The following AMHR2 variants were observed in gnomAD, a reference collection of about 807,000 sequenced individuals.
AMHR2 encodes anti-Mullerian hormone receptor type 2, also known as anti-Muellerian hormone type-2 receptor.
In AMHR2, 36 loss-of-function variants were observed where a neutral mutation model predicts 61.4. The observed-to-expected ratio is 0.59, with a 90% confidence interval of 0.45 to 0.77. The LOEUF is 0.77. Ranked by LOEUF, AMHR2 falls within the 30% of genes least tolerant of loss-of-function variation. The pLI, the probability that AMHR2 is intolerant of heterozygous loss-of-function variation, is 0.00. For missense variants in AMHR2, 638 were observed against 714.6 expected (o/e 0.89, Z 1.22); for synonymous variants, 258 against 279.4 (o/e 0.92, Z 0.76).
Position 53,429,018 on chromosome 12 carries a change from A to G in AMHR2, c.967+8A>G. The G allele has an allele frequency of 6.5e-7, 1 of 1,547,606 alleles. No individual in the cohort carries two copies. Among genetic ancestry groups the G allele is most frequent in the Non-Finnish European group, 8.7e-7 (1 of 1,143,988 alleles). ...AGGAGCGCTGGCAGAATGGTGGGTGAGCTGGGCATAGGAAGTCAAGGGAGC... is the reference window on the plus strand; with the variant it reads ...AGGAGCGCTGGCAGAATGGTGGGTGGGCTGGGCATAGGAAGTCAAGGGAGC... On this transcript the variant is annotated splice_region_variant and intron_variant, in intron 7 of 10. Transcript: ENST00000257863.
chr12:53,424,750 T>C lies in AMHR2; in HGVS notation c.274T>C (p.Cys92Arg), dbSNP rs1198943356. 6.2e-7 allele frequency: 1 copy of C among 1,613,810 alleles called. No homozygotes were observed. The highest frequency in any genetic ancestry group is 1.7e-5 in the Admixed American group (1 of 59,970). Residue 92 changes from cysteine to arginine, a missense_variant, in exon 3 of 11, where the codon TGT becomes CGT. Transcript: ENST00000257863. Reference sequence around the variant, plus strand: ...TGAGCCAGGCTGTGAGTCCCTCCACTGTGACCCAAGTCCCCGAGCCCACCC... The same window carrying C: ...TGAGCCAGGCTGTGAGTCCCTCCACCGTGACCCAAGTCCCCGAGCCCACCC... ...SDEPGCESLH[C>R]DPSPRAHPSP...
At chr12:53,428,780 T>C (rs987771827) in intron 6 of AMHR2, 116 bp from the exon 7 acceptor site, 6 of 745,210 alleles carry the variant, frequency 8.1e-6, no homozygotes, top group Non-Finnish European at 1.4e-5. Context: ...CATCCATCAG[T>C]GTGTCTGTCT....
intron 9 of AMHR2, 76 bp from the exon 10 acceptor site, chr12:53,430,070 C>T (rs1939981385): frequency 1.2e-6 from 2 of 1,614,116 alleles, no homozygotes; most frequent in South Asian, 1.1e-5. Flanking sequence ...AAGCTCTGCT[C>T]TTCCCTGTCT....
chr12:53,430,287 G>C lies in AMHR2; in HGVS notation c.1425+5G>C. On this transcript the variant is annotated splice_donor_5th_base_variant and intron_variant, in intron 10 of 10. Transcript: ENST00000257863. Reference sequence around the variant, plus strand: ...ACCTGGCGCTGCTTTGCCACAGTAAGAGGCCTAGGCTGTTGGTCTGGGAAC... The same window carrying C: ...ACCTGGCGCTGCTTTGCCACAGTAACAGGCCTAGGCTGTTGGTCTGGGAAC... The C allele has an allele frequency of 6.2e-7, 1 of 1,614,172 alleles. No homozygotes were observed. Among genetic ancestry groups the C allele is most frequent in the East Asian group, 2.2e-5 (1 of 44,882 alleles).
In AMHR2 at chr12:53,425,830, G is replaced by C; in HGVS notation, c.763G>C (p.Asp255His). The C allele has an allele frequency of 6.2e-7, 1 of 1,614,076 alleles. No individual in the cohort carries two copies. The highest frequency in any genetic ancestry group is 8.5e-7 in the Non-Finnish European group (1 of 1,180,014). Residue 255 changes from aspartate to histidine, a missense_variant, in exon 6 of 11, where the codon GAC (aspartate) becomes CAC (histidine). Transcript: ENST00000257863. ...ALYELPGLQH[D>H]HIVRFITASR... ...GTACGAACTTCCAGGCCTACAGCAC[G>C]ACCACATTGTCCGATTTATCACTGC...
In AMHR2 at chr12:53,424,798, A is replaced by T. The variant is rs552083814; in HGVS notation, c.322A>T (p.Thr108Ser). The T allele has an allele frequency of 1.5e-5, 25 of 1,613,428 alleles. No homozygotes were observed. In the African/African-American group the frequency reaches 3.1e-4, roughly 20 times the overall value. ...CCCCAGCCCTGGCTCCACTCTCTTC[A>T]CCTGCTCCTGTGGCACTGACTTCTG... ...AHPSPGSTLF[T>S]CSCGTDFCNA... The change falls in exon 3 of 11, where the codon ACC (threonine) becomes TCC (serine). Residue 108 changes from threonine to serine, a missense_variant. Coordinates refer to ENST00000257863, the MANE Select transcript of AMHR2 (RefSeq NM_020547.3).
Position 53,424,302 on chromosome 12 carries a change from C to A in AMHR2, c.64C>A (p.Arg22=). Residue 22 remains arginine (R), a synonymous_variant, in exon 2 of 11, where the codon CGA becomes AGA. Coordinates refer to ENST00000257863, the MANE Select transcript of AMHR2 (RefSeq NM_020547.3). ...PTAVEAPPNR[R]TCVFFEAPGV... ...CTGGGCCTCAGCACCCCCAAACAGG[C>A]GAACCTGTGTGTTCTTTGAGGCCCC... The A allele has an allele frequency of 6.2e-7, 1 of 1,612,548 alleles. No homozygotes were observed. Among genetic ancestry groups the A allele is most frequent in the Non-Finnish European group, 8.5e-7 (1 of 1,180,030 alleles).
In AMHR2 at chr12:53,424,726, G is replaced by A. The variant is rs770395435; in HGVS notation, c.250G>A (p.Glu84Lys). Residue 84 changes from glutamate to lysine, a missense_variant, in exon 3 of 11, where the codon GAG becomes AAG. Coordinates refer to ENST00000257863, the MANE Select transcript of AMHR2 (RefSeq NM_020547.3). Reference protein sequence around the residue: ...VEMQGCRDSDEPGCESLHCDP... With the variant: ...VEMQGCRDSDKPGCESLHCDP... ...CCCATCAGGATGCCGAGACAGTGATGAGCCAGGCTGTGAGTCCCTCCACTG... is the reference window on the plus strand; with the variant it reads ...CCCATCAGGATGCCGAGACAGTGATAAGCCAGGCTGTGAGTCCCTCCACTG... 1.2e-6 allele frequency: 2 copies of A among 1,613,488 alleles called. No individual in the cohort carries two copies. The highest frequency in any genetic ancestry group is 1.1e-5 in the South Asian group (1 of 91,052).
In AMHR2 at chr12:53,423,984, G is replaced by T; in HGVS notation, c.49+1G>T. The stretch of plus-strand genomic sequence containing the variant: ...GCATTACTTCCCACAGCTGTGGAAG[G>T]TAAGTGTCTACAGGGAGGGGAAGGG... On this transcript the variant is annotated splice_donor_variant, in intron 1 of 10. Transcript: ENST00000257863. LOFTEE classifies it high-confidence loss of function. The T allele has an allele frequency of 6.2e-7, 1 of 1,614,122 alleles. No individual in the cohort carries two copies. The highest frequency in any genetic ancestry group is 8.5e-7 in the Non-Finnish European group (1 of 1,179,980).
At chr12:53,424,624 G>A in intron 2 of AMHR2, 85 bp from the exon 3 acceptor site, 1 of 1,531,644 alleles carries the variant, frequency 6.5e-7, no homozygotes, top group Non-Finnish European at 9.0e-7. Flanking sequence ...GATAGAGAAG[G>A]GATTTACCCT....
In AMHR2 at chr12:53,424,827, T is replaced by A. The variant is rs777559665; in HGVS notation, c.351T>A (p.Asn117Lys). ...FTCSCGTDFC[N>K]ANYSHLPPPG... Reference sequence around the variant, plus strand: ...GCTCCTGTGGCACTGACTTCTGCAATGCCAATTACAGCCATCTGCCTCCTC... The same window carrying A: ...GCTCCTGTGGCACTGACTTCTGCAAAGCCAATTACAGCCATCTGCCTCCTC... Residue 117 changes from asparagine to lysine, a missense_variant, in exon 3 of 11, where the codon AAT becomes AAA. Transcript: ENST00000257863. The A allele has an allele frequency of 6.2e-7, 1 of 1,613,976 alleles. No individual in the cohort carries two copies.
chr12:53,429,691 T>C, intron 8 of AMHR2, 66 bp downstream of exon 8: 2 of 1,603,250 alleles, frequency 1.2e-6, no homozygotes, highest in Non-Finnish European at 1.7e-6. Flanking sequence ...AATGCAGCCA[T>C]TGTGTGTCAA....
At chr12:53,429,647 T>C in intron 8 of AMHR2, 22 bp downstream of exon 8, 1 of 1,612,758 alleles carries the variant, frequency 6.2e-7, no homozygotes, top group Non-Finnish European at 8.5e-7. Flanking sequence ...GGATAACTGG[T>C]GAGGCCCAGG....
chr12:53,429,183 G>A (rs938974645), intron 7 of AMHR2, among the ~76,000 whole-genome samples, 173 bp downstream of exon 7: 1 of 152,144 alleles, frequency 6.6e-6, no homozygotes, highest in African/African-American at 2.4e-5. Flanking sequence ...ACAAGGTCAG[G>A]AGATCGAGGC....
rs759137014 is a variant in AMHR2, at chr12:53,424,279, G to C, written c.50-9G>C. 1.2e-6 allele frequency: 2 copies of C among 1,612,286 alleles called. No individual in the cohort carries two copies. ...TTGAATCTTTTCCTTTCCCCACCCT[G>C]GGCCTCAGCACCCCCAAACAGGCGA... On this transcript the variant is annotated splice_polypyrimidine_tract_variant and intron_variant, in intron 1 of 10. Transcript: ENST00000257863.
chr12:53,424,934 G>C (rs749813795), intron 3 of AMHR2, 34 bp downstream of exon 3: 2 of 1,598,548 alleles, frequency 1.3e-6, no homozygotes, highest in Middle Eastern at 1.7e-4. Context: ...CCTGATGGGG[G>C]CTGGGGCCCA....
Position 53,430,214 on chromosome 12 carries a change from C to T in AMHR2, c.1357C>T (p.Leu453=), listed in dbSNP as rs1471218684. Residue 453 remains leucine (L), a synonymous_variant, in exon 10 of 11, where the codon CTA becomes TTA. Coordinates refer to ENST00000257863, the MANE Select transcript of AMHR2 (RefSeq NM_020547.3). The part of the protein sequence containing the change: ...ELGNTPTSDE[L]WALAVQERRR... Reference sequence around the variant, plus strand: ...GGGCAATACCCCTACCTCTGATGAGCTATGGGCCTTGGCAGTGCAGGAGAG... The same window carrying T: ...GGGCAATACCCCTACCTCTGATGAGTTATGGGCCTTGGCAGTGCAGGAGAG... The T allele has an allele frequency of 3.7e-6, 6 of 1,613,958 alleles. No individual in the cohort carries two copies. Among genetic ancestry groups the T allele is most frequent in the Non-Finnish European group, 5.1e-6 (6 of 1,179,956 alleles).
Position 53,431,405 on chromosome 12 carries a change from C to A in AMHR2, c.1654C>A (p.His552Asn). 1 of 1,614,242 alleles carries A rather than the reference C, an allele frequency of 6.2e-7. No homozygotes were observed. Among genetic ancestry groups the A allele is most frequent in the East Asian group, 2.2e-5 (1 of 44,884 alleles). ...CTGTAGGCCTCAGCGGAGTGCCTGC[C>A]ACTTCAGCGTTCAGCAAGGCCCTTG... ...LPCRPQRSAC[H>N]FSVQQGPCSR... Residue 552 changes from histidine to asparagine, a missense_variant, in exon 11 of 11, where the codon CAC (histidine) becomes AAC (asparagine). Coordinates refer to ENST00000257863, the MANE Select transcript of AMHR2 (RefSeq NM_020547.3).
At chr12:53,426,982 C>CAAAA (rs929522833) in intron 6 of AMHR2, among the ~76,000 whole-genome samples, 3 of 71,804 alleles carry the variant, frequency 4.2e-5, no homozygotes, top group Non-Finnish European at 8.5e-5. Flanking sequence ...CGTGCCCAGC[C>CAAAA]AAAAAAAAAA....
Sources: gnomAD v4.1 joint callset for allele counts (sites outside exome capture counted in the v4.1 genomes callset) on GRCh38, gnomAD v4.1.1 for gene constraint, MANE v1.5 for transcripts, NCBI Gene and HGNC (gene_info 2026-07-23, HGNC 2026-07-21) for gene names.